Variants in NBAS observed in about 807,000 individuals in gnomAD.
NBAS encodes NBAS subunit of NRZ tethering complex, also known as NAG/BC035112 fusion.
In NBAS, 219 loss-of-function variants were observed where a neutral mutation model predicts 302.5. That is an observed-to-expected ratio of 0.72 (90% CI 0.65 to 0.81). NBAS has a LOEUF of 0.81. NBAS is among the 30% of genes least tolerant of loss of function. The pLI, the probability that NBAS is intolerant of heterozygous loss-of-function variation, is 0.00. For synonymous variants in NBAS, 1,118 were observed against 1,021.6 expected (o/e 1.09, Z -1.80); for missense variants, 2,932 against 2,841.6 (o/e 1.03, Z -0.72).
the NBAS span, among the ~76,000 whole-genome samples, chr2:15,155,399 T>C: frequency 6.6e-6 from 1 of 152,060 alleles, no homozygotes; most frequent in Non-Finnish European, 1.5e-5. Context: ...ACAGGCAATG[T>C]GTTGGGGAAA....
At chr2:15,289,151 A>G (rs2148100062) in intron 41 of NBAS, among the ~76,000 whole-genome samples, 1 of 152,264 alleles carries the variant, frequency 6.6e-6, no homozygotes, top group East Asian at 1.9e-4. Flanking sequence ...ATCAAGGCTC[A>G]TTGTAGCCTT....
At chr2:15,425,780 G>A (rs919949675) in intron 22 of NBAS, among the ~76,000 whole-genome samples, 1 of 152,098 alleles carries the variant, frequency 6.6e-6, no homozygotes, top group African/African-American at 2.4e-5. Context: ...CAACAGTAAC[G>A]CTGAGTTCCT....
chr2:15,205,781 C>G (rs1666111757), intron 48 of NBAS, among the ~76,000 whole-genome samples: 1 of 152,152 alleles, frequency 6.6e-6, no homozygotes, highest in African/African-American at 2.4e-5. Context: ...GCACCTTCCA[C>G]CCCCTCTCTC....
chr2:14,893,085 C>T, the NBAS span, among the ~76,000 whole-genome samples: 10 of 152,122 alleles, frequency 6.6e-5, no homozygotes, highest in African/African-American at 2.2e-4. Context: ...CTGTTTTTTA[C>T]AGTAGTTGGA....
intron 11 of NBAS, among the ~76,000 whole-genome samples, chr2:15,498,524 G>T (rs1045313298): frequency 1.3e-5 from 2 of 152,166 alleles, no homozygotes; most frequent in African/African-American, 4.8e-5. Flanking sequence ...AGCCAGTATG[G>T]CAATTCCTCA....
chr2:15,375,293 T>C (rs1674682349), intron 30 of NBAS, among the ~76,000 whole-genome samples: 1 of 152,220 alleles, frequency 6.6e-6, no homozygotes, highest in Admixed American at 6.5e-5. Context: ...GGGATTCCCA[T>C]GGAATATTTT....
chr2:15,536,270 T>A, intron 8 of NBAS, 148 bp downstream of exon 8: 1 of 878,654 alleles, frequency 1.1e-6, no homozygotes. Context: ...GTAATGGGTG[T>A]TCACCACACC....
chr2:15,532,360 G>A (rs1558417526), intron 9 of NBAS, among the ~76,000 whole-genome samples: 1 of 151,660 alleles, frequency 6.6e-6, no homozygotes, highest in Non-Finnish European at 1.5e-5. Context: ...TTGGTGGCAG[G>A]CGCCTATAGT....
At chr2:14,860,258 T>C in the NBAS span, among the ~76,000 whole-genome samples, 1 of 152,144 alleles carries the variant, frequency 6.6e-6, no homozygotes, top group Non-Finnish European at 1.5e-5. Context: ...ATAGCCACTA[T>C]AGAAAACATC....
chr2:15,549,159 AT>A (rs1488267458), intron 6 of NBAS, among the ~76,000 whole-genome samples: 3 of 152,176 alleles, frequency 2.0e-5, no homozygotes, highest in Non-Finnish European at 4.4e-5. Flanking sequence ...AATTTATAAA[AT>A]TATGCCCATT....
chr2:15,467,905 A>C, intron 17 of NBAS, 101 bp from the exon 18 acceptor site: 1 of 1,069,508 alleles, frequency 9.4e-7, no homozygotes, highest in East Asian at 2.6e-5. Context: ...TGATTTCCAC[A>C]AAAACAGAAG....
chr2:15,037,239 A>G, the NBAS span, among the ~76,000 whole-genome samples: 1 of 152,270 alleles, frequency 6.6e-6, no homozygotes, highest in East Asian at 1.9e-4. Flanking sequence ...CTGCATTCTA[A>G]AAGGCTGGCC....
chr2:14,899,944 G>A, the NBAS span, among the ~76,000 whole-genome samples: 1 of 152,066 alleles, frequency 6.6e-6, no homozygotes, highest in Non-Finnish European at 1.5e-5. Flanking sequence ...AGAAAGAGAG[G>A]GTTCATAGAA....
At chr2:14,964,763 T>G in the NBAS span, among the ~76,000 whole-genome samples, 3 of 152,104 alleles carry the variant, frequency 2.0e-5, no homozygotes, top group African/African-American at 7.2e-5. Flanking sequence ...CAGGACACAC[T>G]GGTCAGGATA....
At chr2:14,849,361 G>A in the NBAS span, among the ~76,000 whole-genome samples, 3 of 150,538 alleles carry the variant, frequency 2.0e-5, no homozygotes, top group African/African-American at 4.9e-5. Flanking sequence ...GAAATGAAGC[G>A]AGAAGGGAAG....
the NBAS span, among the ~76,000 whole-genome samples, chr2:14,958,559 G>A: frequency 6.6e-6 from 1 of 152,182 alleles, no homozygotes; most frequent in East Asian, 1.9e-4. Context: ...TGAGAAATGA[G>A]GGGTGGGAAC....
chr2:15,359,768 G>T (rs142612016), intron 32 of NBAS, among the ~76,000 whole-genome samples: 2 of 152,158 alleles, frequency 1.3e-5, no homozygotes, highest in Non-Finnish European at 2.9e-5. Flanking sequence ...GACAGGGGTT[G>T]GTTCATAGTT....
At chr2:15,021,267 A>G in the NBAS span, among the ~76,000 whole-genome samples, 2 of 151,900 alleles carry the variant, frequency 1.3e-5, no homozygotes, top group East Asian at 1.9e-4. Flanking sequence ...CCATACGGAG[A>G]TAAGTAAGAC....
chr2:14,939,773 A>T, the NBAS span, among the ~76,000 whole-genome samples: 16 of 152,218 alleles, frequency 1.1e-4, no homozygotes, highest in African/African-American at 3.9e-4. Context: ...TTGTTTGAGG[A>T]TATATGTGCA....
Sources: allele counts gnomAD v4.1 joint callset (sites outside exome capture counted in the v4.1 genomes callset), GRCh38; gene constraint gnomAD v4.1.1; transcripts MANE v1.5; gene names NCBI Gene and HGNC (gene_info 2026-07-23, HGNC 2026-07-21).